The following PDZD2 variants were observed in gnomAD, a reference collection of about 807,000 sequenced individuals.
PDZD2 encodes PDZ domain-containing protein 2.
PDZD2 carries 90 observed loss-of-function variants against 220.7 expected under a neutral mutation model. The observed-to-expected ratio is 0.41, with a 90% CI of 0.34 to 0.49. The LOEUF is 0.49. Ranked by LOEUF, PDZD2 falls within the 20% of genes least tolerant of loss-of-function variation. The pLI, the probability that PDZD2 is intolerant of heterozygous loss-of-function variation, is 0.28. For synonymous variants in PDZD2, 1,375 were observed against 1,450.5 expected (o/e 0.95, Z 1.18); for missense variants, 3,174 against 3,608.5 (o/e 0.88, Z 3.08).
chr5:31,815,845 G>A (rs527973925), intron 2 of PDZD2, among the ~76,000 whole-genome samples: 34 of 152,090 alleles, frequency 2.2e-4, no homozygotes, highest in Non-Finnish European at 4.3e-4. Flanking sequence ...TTTAGGTAAG[G>A]TTACAAAAAT....
At chr5:32,059,586 T>C (rs1739486308) in intron 13 of PDZD2, among the ~76,000 whole-genome samples, 1 of 152,236 alleles carries the variant, frequency 6.6e-6, no homozygotes, top group Non-Finnish European at 1.5e-5. Context: ...GCTTATTTTG[T>C]TCTATTTGGT....
chr5:31,925,673 C>T (rs966435805), intron 2 of PDZD2, among the ~76,000 whole-genome samples: 1 of 151,730 alleles, frequency 6.6e-6, no homozygotes, highest in Non-Finnish European at 1.5e-5. Flanking sequence ...AACAGACAAC[C>T]CACGGAATGG....
At chr5:32,073,429 C>T (rs73074164) in intron 17 of PDZD2, among the ~76,000 whole-genome samples, 5,455 of 152,252 alleles carry the variant, frequency 0.036, 330 homozygotes, top group African/African-American at 0.12. Flanking sequence ...AAGAAGGCAG[C>T]CCAGGTGTGT....
intron 2 of PDZD2, among the ~76,000 whole-genome samples, chr5:31,837,015 TAA>T (rs1384972851): frequency 9.7e-6 from 1 of 103,092 alleles, no homozygotes; most frequent in African/African-American, 4.4e-5. Flanking sequence ...GAGACTGTCT[TAA>T]AAGAAAGAAA....
intron 1 of PDZD2, among the ~76,000 whole-genome samples, chr5:31,751,166 G>C (rs113015206): frequency 0.025 from 3,818 of 151,736 alleles, 67 homozygotes; most frequent in Non-Finnish European, 0.039. Flanking sequence ...GTTTGAACCC[G>C]GGAGGCGGAG....
At position 32,037,231 on chromosome 5, in the gene PDZD2, A is replaced by T; in HGVS notation, c.1408A>T (p.Met470Leu). 1 of 1,607,378 alleles carries T rather than the reference A, an allele frequency of 6.2e-7. No homozygotes were observed. The highest frequency in any genetic ancestry group is 8.5e-7 in the Non-Finnish European group (1 of 1,173,846). Residue 470 changes from methionine (M) to leucine (L), a missense_variant and splice_region_variant, in exon 7 of 25, where the codon ATG becomes TTG. By Grantham distance (15) the Met-to-Leu change is conservative. Transcript: ENST00000438447. ...CAGCTCTGTGCTTTCTGCATTTCAG[A>T]TGCCTGGGACAGATGAACCCCAAGA... is the stretch of plus-strand genomic sequence containing the variant. ...EGTSSSVQRA[M>L]PGTDEPQDVC...
intron 2 of PDZD2, among the ~76,000 whole-genome samples, chr5:31,844,500 A>G (rs775882395): frequency 9.9e-5 from 15 of 152,200 alleles, no homozygotes; most frequent in Admixed American, 2.0e-4. Flanking sequence ...ATTTTTGTCA[A>G]GACCAAGTGG....
intron 2 of PDZD2, among the ~76,000 whole-genome samples, chr5:31,920,396 C>T (rs1055192691): frequency 6.6e-6 from 1 of 152,042 alleles, no homozygotes; most frequent in Non-Finnish European, 1.5e-5. Context: ...CAACGCCCCC[C>T]CCCCCCACTG....
At chr5:31,932,178 G>A (rs1191529790) in intron 2 of PDZD2, among the ~76,000 whole-genome samples, 1 of 152,160 alleles carries the variant, frequency 6.6e-6, no homozygotes, top group African/African-American at 2.4e-5. Context: ...TTTATGAATT[G>A]CATTTTATGG....
chr5:32,016,947 C>T (rs1352889656), intron 6 of PDZD2, among the ~76,000 whole-genome samples: 1 of 152,128 alleles, frequency 6.6e-6, no homozygotes, highest in Non-Finnish European at 1.5e-5. Context: ...GGGGCAGGGC[C>T]CCTGTCAGGT....
chr5:32,049,457 C>G (rs1442608318), intron 8 of PDZD2, among the ~76,000 whole-genome samples: 1 of 152,208 alleles, frequency 6.6e-6, no homozygotes, highest in Non-Finnish European at 1.5e-5. Context: ...ACGACCTCCA[C>G]ACATGCTTGG....
At position 31,656,666 on chromosome 5, in the gene PDZD2, A is replaced by G. The variant is rs567379130; in HGVS notation, c.-361+17229A>G. Among the ~76,000 whole-genome samples, 11 of 152,334 alleles carry G rather than the reference A, an allele frequency of 7.2e-5. No individual in the cohort carries two copies. The South Asian group carries it at 2.3e-3, about 32-fold the overall frequency. ...TTTTATGATTTTTTAAAGCAACTGA[A>G]TACTTAGCTTTTAAGATTTAAAATC... On this transcript the variant is annotated intron_variant, in intron 1 of 24. Transcript: ENST00000438447.
intron 2 of PDZD2, among the ~76,000 whole-genome samples, chr5:31,914,513 G>A (rs1185338520): frequency 1.3e-5 from 2 of 152,160 alleles, no homozygotes; most frequent in Non-Finnish European, 2.9e-5. Flanking sequence ...GGGTGACAGA[G>A]TGAGACTCCA....
Position 32,016,945 on chromosome 5 carries a change from G to A in PDZD2, c.1407+6463G>A, listed in dbSNP as rs140213746. Among the ~76,000 whole-genome samples the A allele has an allele frequency of 2.4e-4, 36 of 152,290 alleles. No homozygotes were observed. The East Asian group carries it at 6.4e-3, about 27-fold the overall frequency. Reference sequence around the variant, plus strand: ...GAGGTGGAGGCTCCATGGGGGCAGGGCCCCTGTCAGGTTTGCTCACTTGCG... The same window carrying A: ...GAGGTGGAGGCTCCATGGGGGCAGGACCCCTGTCAGGTTTGCTCACTTGCG... On this transcript the variant is annotated intron_variant, in intron 6 of 24. Transcript: ENST00000438447.
intron 1 of PDZD2, among the ~76,000 whole-genome samples, chr5:31,749,871 C>T (rs1356321059): frequency 6.6e-6 from 1 of 152,222 alleles, no homozygotes. Context: ...GCTTCCCCTT[C>T]CCGGTGAGGC....
intron 1 of PDZD2, among the ~76,000 whole-genome samples, chr5:31,726,158 C>G (rs1749122491): frequency 6.6e-6 from 1 of 152,222 alleles, no homozygotes; most frequent in Admixed American, 6.5e-5. Flanking sequence ...AGTGCCTGCT[C>G]TGAGTTAACT....
intron 2 of PDZD2, among the ~76,000 whole-genome samples, chr5:31,809,528 C>T (rs1186546775): frequency 6.6e-6 from 1 of 152,140 alleles, no homozygotes; most frequent in Non-Finnish European, 1.5e-5. Context: ...CTGAGAAATC[C>T]GCCTGTGCTC....
chr5:31,742,835 C>T (rs1418364819), intron 1 of PDZD2, among the ~76,000 whole-genome samples: 5 of 152,150 alleles, frequency 3.3e-5, no homozygotes, highest in Non-Finnish European at 7.3e-5. Context: ...GATCAGTTAC[C>T]TGCTTGGTCT....
rs1184026348 is a variant in PDZD2, at chr5:31,920,979, T to C, written c.477-62176T>C. Among the ~76,000 whole-genome samples the C allele has an allele frequency of 7.9e-5, 12 of 152,248 alleles. No homozygotes were observed. The East Asian group carries it at 1.9e-3, about 24-fold the overall frequency. On this transcript the variant is annotated intron_variant, in intron 2 of 24. Coordinates refer to ENST00000438447, the MANE Select transcript of PDZD2 (RefSeq NM_178140.4). ...CTTTTCAGTGTCATGTAATACTCCGTTGTCTGCGTGTGCCGCGGTTTATCT... is the reference window on the plus strand; with the variant it reads ...CTTTTCAGTGTCATGTAATACTCCGCTGTCTGCGTGTGCCGCGGTTTATCT...
Sources: gnomAD v4.1 joint callset for allele counts (sites outside exome capture counted in the v4.1 genomes callset) on GRCh38, gnomAD v4.1.1 for gene constraint, MANE v1.5 for transcripts, NCBI Gene and HGNC (gene_info 2026-07-23, HGNC 2026-07-21) for gene names.